RREB1: variants seen among roughly 807,000 people sequenced by gnomAD.
RREB1 encodes the protein ras-responsive element-binding protein 1.
A neutral mutation model predicts 117.8 loss-of-function variants in RREB1; 27 were observed. The ratio of observed to expected loss-of-function variants is 0.23; its 90% CI spans 0.17 to 0.32. RREB1 has a LOEUF of 0.32. RREB1 is among the 10% of genes least tolerant of loss of function. RREB1 has a pLI of 1.00. For missense variants in RREB1, 2,577 were observed against 2,378.2 expected (o/e 1.08, Z -1.74); for synonymous variants, 1,298 against 1,026.7 (o/e 1.26, Z -5.05).
intron 1 of RREB1, among the ~76,000 whole-genome samples, chr6:7,156,123 A>G (rs1378066805): frequency 6.6e-6 from 1 of 152,162 alleles, no homozygotes; most frequent in Non-Finnish European, 1.5e-5. Context: ...TTTCTCATTC[A>G]CACTTAAGAG....
chr6:7,147,037 C>CT (rs1475442872), intron 1 of RREB1, among the ~76,000 whole-genome samples: 3 of 152,170 alleles, frequency 2.0e-5, no homozygotes, highest in Admixed American at 2.0e-4. Flanking sequence ...CACCTTCTAA[C>CT]TTTGAGAGGG....
chr6:7,212,809 T>A (rs367669645), intron 8 of RREB1: 2 of 152,198 alleles, frequency 1.3e-5, no homozygotes. Flanking sequence ...TGAAGACTTA[T>A]GTTATAGGGA....
At chr6:7,201,511 C>T (rs1285789537) in intron 6 of RREB1, among the ~76,000 whole-genome samples, 2 of 146,290 alleles carry the variant, frequency 1.4e-5, no homozygotes, top group Non-Finnish European at 3.0e-5. Flanking sequence ...CCCCCAACCC[C>T]CATCCCACCC....
At position 7,229,906 on chromosome 6, in the gene RREB1, G is replaced by A; in HGVS notation, c.1807G>A (p.Glu603Lys). 6.2e-7 allele frequency: 1 copy of A among 1,601,106 alleles called. No homozygotes were observed. Among genetic ancestry groups the A allele is most frequent in the Non-Finnish European group, 8.5e-7 (1 of 1,170,684 alleles). The stretch of plus-strand genomic sequence containing the variant: ...GCAGCTGGAGCAGGACAGCATCATC[G>A]AGGCCCTGCTGCCGCTGAGCATGGA... Reference protein sequence around the residue: ...KTQLEQDSIIEALLPLSMEAK... With the variant: ...KTQLEQDSIIKALLPLSMEAK... The change falls in exon 10 of 13, where the codon GAG becomes AAG. Residue 603 changes from glutamate to lysine, a missense_variant. By Grantham distance (56) the Glu-to-Lys change is moderately conservative. Coordinates refer to ENST00000379938, the MANE Select transcript of RREB1 (RefSeq NM_001003699.4). The surrounding 1 kb of genome is among the most constrained non-coding windows in gnomAD (Gnocchi z 4.5).
At position 7,231,034 on chromosome 6, in the gene RREB1, C is replaced by T; in HGVS notation, c.2935C>T (p.Leu979Phe). 1.2e-6 allele frequency: 2 copies of T among 1,614,048 alleles called. No individual in the cohort carries two copies. Among genetic ancestry groups the T allele is most frequent in the South Asian group, 2.2e-5 (2 of 91,080 alleles). Residue 979 changes from leucine (L) to phenylalanine (F), a missense_variant, in exon 10 of 13, where the codon CTT becomes TTT. Physicochemically the swap from Leu to Phe is conservative, Grantham distance 22 (BLOSUM62 0). Coordinates refer to ENST00000379938, the MANE Select transcript of RREB1 (RefSeq NM_001003699.4). Reference protein sequence around the residue: ...PSPCPAPGPSLPVTLGPSGIL... With the variant: ...PSPCPAPGPSFPVTLGPSGIL... ...TCCCTGCCCAGCACCCGGCCCTTCT[C>T]TTCCTGTAACTTTGGGGCCCAGCGG... is the stretch of plus-strand genomic sequence containing the variant.
chr6:7,114,063 A>G (rs147291812), intron 1 of RREB1, among the ~76,000 whole-genome samples: 401 of 152,322 alleles, frequency 2.6e-3, no homozygotes, highest in African/African-American at 8.6e-3. Flanking sequence ...GATTGGGGAA[A>G]TGCAGCACTT....
At position 7,246,459 on chromosome 6, in the gene RREB1, G is replaced by T; in HGVS notation, c.4009G>T (p.Gly1337Cys). 1 of 1,512,614 alleles carries T rather than the reference G, an allele frequency of 6.6e-7. No homozygotes were observed. Among genetic ancestry groups the T allele is most frequent in the East Asian group, 2.5e-5 (1 of 40,658 alleles). The allele number at this position is 1,512,614 out of a possible 1,614,324, so 93.7% of individuals were successfully genotyped here. Residue 1337 changes from glycine to cysteine, a missense_variant, in exon 12 of 13, where the codon GGC becomes TGC. Gly to Cys is a radical substitution (Grantham distance 159). Coordinates refer to ENST00000379938, the MANE Select transcript of RREB1 (RefSeq NM_001003699.4). ...GGATGCGGAGACTGCAGCCGCCGCG[G>T]GCGAAGTGCTAGACCTCACCTCACG... ...QSDAETAAAAGEVLDLTSRDR... is the reference protein window; with the variant it reads ...QSDAETAAAACEVLDLTSRDR...
intron 10 of RREB1, among the ~76,000 whole-genome samples, chr6:7,237,112 T>C (rs73376344): frequency 0.036 from 5,450 of 151,884 alleles, 288 homozygotes; most frequent in African/African-American, 0.12. Context: ...TTGAGACAAA[T>C]TCTTGCTCTG....
chr6:7,185,511 A>C (rs1396212810), intron 4 of RREB1, among the ~76,000 whole-genome samples: 2 of 152,124 alleles, frequency 1.3e-5, no homozygotes, highest in African/African-American at 4.8e-5. Flanking sequence ...CGGAGGTTGC[A>C]GTGAGCCAAG....
intron 1 of RREB1, among the ~76,000 whole-genome samples, chr6:7,120,758 C>T (rs1297064952): frequency 6.6e-6 from 1 of 151,546 alleles, no homozygotes; most frequent in African/African-American, 2.4e-5. Flanking sequence ...GTGATCCTCC[C>T]ACCTCAGCCT....
At chr6:7,219,850 G>A (rs1476302957) in intron 8 of RREB1, among the ~76,000 whole-genome samples, 1 of 152,156 alleles carries the variant, frequency 6.6e-6, no homozygotes, top group Non-Finnish European at 1.5e-5. Context: ...TGACCTGGGA[G>A]TCGTCTTCCT....
intron 1 of RREB1, among the ~76,000 whole-genome samples, chr6:7,160,440 A>G (rs1421685350): frequency 6.6e-6 from 1 of 152,212 alleles, no homozygotes; most frequent in African/African-American, 2.4e-5. Flanking sequence ...TAAGTATAGC[A>G]TAGAATCTTA....
chr6:7,200,812 C>A (rs1204648651), intron 6 of RREB1, among the ~76,000 whole-genome samples: 2 of 152,168 alleles, frequency 1.3e-5, no homozygotes, highest in African/African-American at 4.8e-5. Context: ...AGTTTTTTAT[C>A]ATTTGGCCAA....
At position 7,246,984 on chromosome 6, in the gene RREB1, C is replaced by A; in HGVS notation, c.4534C>A (p.Pro1512Thr). ...ETPAEVVESA[P>T]GAGEAPAEKL... ...CCCGGCAGAGGTGGTGGAGTCGGCCCCGGGTGCCGGGGAGGCCCCGGCGGA... is the reference window on the plus strand; with the variant it reads ...CCCGGCAGAGGTGGTGGAGTCGGCCACGGGTGCCGGGGAGGCCCCGGCGGA... The change falls in exon 12 of 13, where the codon CCG (proline) becomes ACG (threonine). Residue 1512 changes from proline (P) to threonine (T), a missense_variant. Coordinates refer to ENST00000379938, the MANE Select transcript of RREB1 (RefSeq NM_001003699.4). The A allele has an allele frequency of 6.3e-7, 1 of 1,589,148 alleles. No homozygotes were observed. The highest frequency in any genetic ancestry group is 8.6e-7 in the Non-Finnish European group (1 of 1,168,708).
chr6:7,231,218 C>G lies in RREB1; in HGVS notation c.3119C>G (p.Ala1040Gly), dbSNP rs1175105078. ...VGSSALLSGTALLRPLRPKPP... is the reference protein window; with the variant it reads ...VGSSALLSGTGLLRPLRPKPP... ...AGCTCAGCCCTCCTGAGTGGCACAG[C>G]CTTGCTGCGTCCACTGCGGCCCAAG... is the stretch of plus-strand genomic sequence containing the variant. Residue 1040 changes from alanine to glycine, a missense_variant, in exon 10 of 13, where the codon GCC becomes GGC. Transcript: ENST00000379938. 1.9e-6 allele frequency: 3 copies of G among 1,612,518 alleles called. No homozygotes were observed. The highest frequency in any genetic ancestry group is 2.2e-5 in the East Asian group (1 of 44,874).
chr6:7,126,159 A>T (rs145256048), intron 1 of RREB1, among the ~76,000 whole-genome samples: 21 of 151,814 alleles, frequency 1.4e-4, no homozygotes, highest in Admixed American at 5.2e-4. Context: ...GCACCACCAC[A>T]CCCAGCTAAT....
At position 7,201,170 on chromosome 6, in the gene RREB1, A is replaced by G. The variant is rs12663808; in HGVS notation, c.426-9634A>G. ...ACATGCCCAGGTGTCCTCTCCCACCATGCCCCTCGTCTGATGCACTGAGAA... is the reference window on the plus strand; with the variant it reads ...ACATGCCCAGGTGTCCTCTCCCACCGTGCCCCTCGTCTGATGCACTGAGAA... On this transcript the variant is annotated intron_variant, in intron 6 of 12. Coordinates refer to ENST00000379938, the MANE Select transcript of RREB1 (RefSeq NM_001003699.4). 3.8e-3 allele frequency among the ~76,000 whole-genome samples: 575 copies of G among 152,256 alleles called. 30 individuals are homozygous for G. The East Asian group carries it at 0.091, about 24-fold the overall frequency.
chr6:7,242,188 G>A lies in RREB1; in HGVS notation c.3973+1586G>A, dbSNP rs549904911. ...TTTACAAATAAGTCTTAGTAACTCCGTGCTGGATGTGCATTTTGCATTCAG... is the reference window on the plus strand; with the variant it reads ...TTTACAAATAAGTCTTAGTAACTCCATGCTGGATGTGCATTTTGCATTCAG... On this transcript the variant is annotated intron_variant, in intron 11 of 12. Coordinates refer to ENST00000379938, the MANE Select transcript of RREB1 (RefSeq NM_001003699.4). Among the ~76,000 whole-genome samples the A allele has an allele frequency of 1.6e-3, 237 of 152,320 alleles. 1 individual carries two copies. The highest frequency in any genetic ancestry group is 5.3e-3 in the African/African-American group (220 of 41,562).
intron 3 of RREB1, chr6:7,181,573 C>T (rs1037234296): frequency 4.4e-5 from 24 of 542,490 alleles, no homozygotes; most frequent in Middle Eastern, 9.3e-4. Context: ...CTTGGCCTTT[C>T]CCACTCTGCC....
Sources: allele counts gnomAD v4.1 joint callset (sites outside exome capture counted in the v4.1 genomes callset), GRCh38; gene constraint gnomAD v4.1.1; non-coding constraint Gnocchi (gnomAD v3.1); transcripts MANE v1.5; gene names NCBI Gene and HGNC (gene_info 2026-07-23, HGNC 2026-07-21).